The following INTS10 variants were observed in gnomAD, a reference collection of about 807,000 sequenced individuals.
The protein encoded by INTS10 is integrator complex subunit 10, also known as chromosome 8 open reading frame 35.
INTS10 carries 44 observed loss-of-function variants against 94.4 expected under a neutral mutation model. The observed-to-expected ratio is 0.47, with a 90% CI of 0.37 to 0.60. INTS10 has a LOEUF of 0.60. Ranked by LOEUF, INTS10 falls within the 20% of genes least tolerant of loss-of-function variation. The pLI, the probability that INTS10 is intolerant of heterozygous loss-of-function variation, is 0.00. For missense variants in INTS10, 797 were observed against 868.7 expected, an observed-to-expected ratio of 0.92 and a Z score of 1.04; for synonymous variants, 341 against 320.7, an observed-to-expected ratio of 1.06 and a Z score of -0.68.
chr8:19,842,211 A>G (rs181183131), intron 13 of INTS10, among the ~76,000 whole-genome samples: 5 of 152,376 alleles, frequency 3.3e-5, no homozygotes, highest in Admixed American at 1.3e-4. Flanking sequence ...AGAATACTAT[A>G]TAACACTGAA....
intron 16 of INTS10, among the ~76,000 whole-genome samples, chr8:19,850,150 A>G (rs2068910057): frequency 6.6e-6 from 1 of 151,094 alleles, no homozygotes; most frequent in Non-Finnish European, 1.5e-5. Flanking sequence ...AAAAAGAAAG[A>G]AAGAAAGAAA....
rs2068857633 is a variant in INTS10 at position 19,849,605 on chromosome 8, T to G, written c.1977-2044T>G. On this transcript the variant is annotated intron_variant, in intron 16 of 16. Coordinates refer to ENST00000397977, the MANE Select transcript of INTS10 (RefSeq NM_018142.4). The surrounding 1 kb of genome is among the most constrained non-coding windows in gnomAD (Gnocchi z 4.6). ...GATGCTGACGTTTATTTTAAGTACA[T>G]TTTTATTTGTGGATACTCATATGAG... Among the ~76,000 whole-genome samples, 1 of 152,192 alleles carries G rather than the reference T, an allele frequency of 6.6e-6. No homozygotes were observed. Among genetic ancestry groups the G allele is most frequent in the Admixed American group, 6.5e-5 (1 of 15,282 alleles).
At chr8:19,836,304 C>A (rs939456741) in intron 12 of INTS10, among the ~76,000 whole-genome samples, 1 of 151,758 alleles carries the variant, frequency 6.6e-6, no homozygotes, top group Non-Finnish European at 1.5e-5. Context: ...AGGCTCATTG[C>A]ATGGAATCTG....
In INTS10 at chr8:19,820,512, G is replaced by T; in HGVS notation, c.435G>T (p.Gln145His). 1.2e-6 allele frequency: 2 copies of T among 1,609,480 alleles called. No homozygotes were observed. Among genetic ancestry groups the T allele is most frequent in the Non-Finnish European group, 1.7e-6 (2 of 1,177,134 alleles). Residue 145 changes from glutamine to histidine, a missense_variant, in exon 4 of 17, where the codon CAG becomes CAT. This residue lies in a region of INTS10 where 734 missense variants were observed against 787.8 expected (regional missense o/e 0.93). Transcript: ENST00000397977. ...LLRRFPETVV[Q>H]HGVGLGEALL... ...GGCGCTTCCCTGAAACGGTGGTGCA[G>T]CATGGGGTGAGATTTGATTCTTCCC... is the stretch of plus-strand genomic sequence containing the variant.
intron 16 of INTS10, among the ~76,000 whole-genome samples, chr8:19,847,529 G>GTCAC (rs2068675329): frequency 6.6e-6 from 1 of 152,188 alleles, no homozygotes; most frequent in Admixed American, 6.5e-5. Flanking sequence ...CCCATCAGCA[G>GTCAC]TCACTATACG....
In INTS10 at chr8:19,830,396, C is replaced by A. The variant is rs181773038; in HGVS notation, c.1141-10C>A. 3.4e-5 allele frequency: 54 copies of A among 1,609,376 alleles called. No homozygotes were observed. The East Asian group carries it at 1.2e-3, about 35-fold the overall frequency. On this transcript the variant is annotated splice_polypyrimidine_tract_variant and intron_variant, in intron 9 of 16. Transcript: ENST00000397977. Reference sequence around the variant, plus strand: ...CTGAATTAACCATGTTCTCCACATTCTTTAAGCAGAGTTCAGACGATGAAG... The same window carrying A: ...CTGAATTAACCATGTTCTCCACATTATTTAAGCAGAGTTCAGACGATGAAG...
intron 12 of INTS10, among the ~76,000 whole-genome samples, chr8:19,833,628 G>C (rs2067418151): frequency 6.6e-6 from 1 of 151,640 alleles, no homozygotes; most frequent in Non-Finnish European, 1.5e-5. Context: ...TGTCTCTTCT[G>C]TTGTACTTGG....
At chr8:19,818,198 G>C in intron 1 of INTS10, 77 bp from the exon 2 acceptor site, 1 of 1,414,484 alleles carries the variant, frequency 7.1e-7, no homozygotes. Context: ...CTGCAGGAGG[G>C]CCAACGAGCG....
intron 10 of INTS10, among the ~76,000 whole-genome samples, 162 bp downstream of exon 10, chr8:19,830,721 G>A (rs73206573): frequency 0.062 from 9,359 of 152,090 alleles, 330 homozygotes; most frequent in Non-Finnish European, 0.072. Flanking sequence ...CACCCAGGCC[G>A]GAGTACAATG....
At chr8:19,833,799 G>A (rs1298688141) in intron 12 of INTS10, among the ~76,000 whole-genome samples, 1 of 152,060 alleles carries the variant, frequency 6.6e-6, no homozygotes, top group Non-Finnish European at 1.5e-5. Context: ...CCTGAGGTCA[G>A]GAGTTTAAGA....
chr8:19,842,068 G>T, intron 13 of INTS10: 1 of 213,412 alleles, frequency 4.7e-6, no homozygotes, highest in Non-Finnish European at 9.6e-6. Context: ...GGAAAGATTG[G>T]GATTTTGCTT....
intron 12 of INTS10, among the ~76,000 whole-genome samples, chr8:19,833,621 C>G (rs1042131351): frequency 2.4e-4 from 36 of 152,012 alleles, no homozygotes; most frequent in Admixed American, 1.2e-3. Context: ...ACACTCTTGT[C>G]TCTTCTGTTG....
Position 19,818,257 on chromosome 8 carries a change from G to A in INTS10, c.130-18G>A, listed in dbSNP as rs1287247857. 4 of 1,613,914 alleles carry A rather than the reference G, an allele frequency of 2.5e-6. No homozygotes were observed. Among genetic ancestry groups the A allele is most frequent in the Non-Finnish European group, 3.4e-6 (4 of 1,179,776 alleles). ...CTGGGCAGGGGTGAGTGACCAGGGT[G>A]CCTGATGTGTGTTGCAGTATGAGAT... is the stretch of plus-strand genomic sequence containing the variant. On this transcript the variant is annotated intron_variant, in intron 1 of 16. Transcript: ENST00000397977.
chr8:19,824,501 A>G, intron 7 of INTS10: 1 of 86,602 alleles, frequency 1.2e-5, no homozygotes, highest in Non-Finnish European at 1.8e-5. Flanking sequence ...CTAAAAAAGA[A>G]AAAAAAAAAG....
In INTS10 at chr8:19,826,573, ATATACT is replaced by A. The variant is rs764297754; in HGVS notation, c.1140+18_1140+23del. On this transcript the variant is annotated intron_variant, in intron 9 of 16. Transcript: ENST00000397977. ...GAAAAAACCATGGTAAGGCTTTCAA[ATATACT>A]TATTAACAGATTGGATGGGACGCTT... 4 of 1,607,414 alleles carry A rather than the reference ATATACT, an allele frequency of 2.5e-6. No individual in the cohort carries two copies. The Admixed American group carries it at 6.8e-5, about 27-fold the overall frequency.
Position 19,851,784 on chromosome 8 carries a change from G to C in INTS10, c.2112G>C (p.Leu704Phe), listed in dbSNP as rs1323579124. 1.9e-6 allele frequency: 3 copies of C among 1,614,162 alleles called. No individual in the cohort carries two copies. Among genetic ancestry groups the C allele is most frequent in the East Asian group, 2.2e-5 (1 of 44,878 alleles). ...LHRFCINEKILLLQTLT is the reference protein window; with the variant it reads ...LHRFCINEKIFLLQTLT Reference sequence around the variant, plus strand: ...GGTTCTGCATTAATGAGAAGATCTTGCTCCTTCAGACTCTGACCTGAGTGG... The same window carrying C: ...GGTTCTGCATTAATGAGAAGATCTTCCTCCTTCAGACTCTGACCTGAGTGG... The change falls in exon 17 of 17, where the codon TTG becomes TTC. Residue 704 changes from leucine (L) to phenylalanine (F), a missense_variant. Physicochemically the swap from Leu to Phe is conservative, Grantham distance 22 (BLOSUM62 0). Transcript: ENST00000397977. The surrounding 1 kb of genome is among the most constrained non-coding windows in gnomAD (Gnocchi z 5.0).
intron 10 of INTS10, among the ~76,000 whole-genome samples, chr8:19,831,551 G>A (rs1460536338): frequency 6.6e-6 from 1 of 152,138 alleles, no homozygotes; most frequent in East Asian, 1.9e-4. Context: ...TTAGCCAAGA[G>A]TGATGGCATG....
At chr8:19,845,363 T>G in intron 15 of INTS10, 2 of 192,602 alleles carry the variant, frequency 1.0e-5, no homozygotes, top group East Asian at 1.1e-4. Context: ...CTTGTGACCA[T>G]GTAGTATTAA....
rs2068330460 is a variant in INTS10, at chr8:19,843,724, T to G, written c.1720-352T>G. 6.6e-6 allele frequency among the ~76,000 whole-genome samples: 1 copy of G among 152,194 alleles called. No individual in the cohort carries two copies. The highest frequency in any genetic ancestry group is 1.9e-4 in the East Asian group (1 of 5,192). On this transcript the variant is annotated intron_variant, in intron 14 of 16. Transcript: ENST00000397977. This position sits in a 1 kb window ranked among gnomAD's most constrained non-coding sequence, Gnocchi z 4.7. ...GCCCACCTACTCCCATCTGCTCCCT[T>G]TCAAAGAAATCTTCAGATTTATTTC...
Sources: allele counts gnomAD v4.1 joint callset (sites outside exome capture counted in the v4.1 genomes callset), GRCh38; gene constraint gnomAD v4.1.1; regional missense constraint gnomAD v4.1.1; non-coding constraint Gnocchi (gnomAD v3.1); transcripts MANE v1.5; gene names NCBI Gene and HGNC (gene_info 2026-07-23, HGNC 2026-07-21).